Variants in DAZL observed in about 807,000 individuals in gnomAD.
DAZL encodes deleted in azoospermia like.
DAZL carries 4 observed loss-of-function variants against 45.0 expected under a neutral mutation model. The ratio of observed to expected loss-of-function variants is 0.09; its 90% CI spans 0.04 to 0.20. DAZL has a LOEUF of 0.20. DAZL is among the 10% of genes least tolerant of loss of function. DAZL has a pLI of 1.00. For synonymous variants in DAZL, 122 were observed against 112.4 expected, an observed-to-expected ratio of 1.09 and a Z score of -0.54; for missense variants, 326 against 351.3, an observed-to-expected ratio of 0.93 and a Z score of 0.58.
intron 1 of DAZL, among the ~76,000 whole-genome samples, chr3:16,603,599 A>T (rs1026834213): frequency 2.0e-5 from 3 of 152,212 alleles, no homozygotes; most frequent in African/African-American, 7.2e-5. Context: ...CACCCGCCTC[A>T]GCCTCCTAAA....
chr3:16,600,577 C>G (rs74525566), intron 1 of DAZL, among the ~76,000 whole-genome samples: 5,033 of 152,226 alleles, frequency 0.033, 124 homozygotes, highest in Middle Eastern at 0.082. Context: ...CTATTAGGAA[C>G]CTGATTAGAT....
At position 16,588,390 on chromosome 3, in the gene DAZL, C is replaced by A; in HGVS notation, c.*270G>T. The stretch of plus-strand genomic sequence containing the variant: ...ATTTGCTTTTAAACACTTAAAATGC[C>A]AATTTTTAAAAAATCCTTGCAGATA... On this transcript the variant is annotated 3_prime_UTR_variant, in exon 11 of 11. Transcript: ENST00000399444. The A allele has an allele frequency of 1.4e-5, 5 of 357,970 alleles. No homozygotes were observed. The highest frequency in any genetic ancestry group is 6.5e-5 in the South Asian group (2 of 30,768). 22.2% of individuals were successfully genotyped at this position (357,970 alleles called of 1,614,324 possible). A position where few individuals can be genotyped will look rare whatever the true frequency, so the allele number is the denominator to read the frequency against.
intron 1 of DAZL, among the ~76,000 whole-genome samples, chr3:16,601,417 C>A (rs1374329999): frequency 6.6e-6 from 1 of 152,200 alleles, no homozygotes; most frequent in African/African-American, 2.4e-5. Context: ...GAGGCACCAT[C>A]ATGTCCTAGT....
rs1694451074 is a variant in DAZL at position 16,587,238 on chromosome 3, C to CT, written c.*1421dup. The CT allele has an allele frequency of 6.6e-6, 1 of 152,046 alleles. No individual in the cohort carries two copies. Among genetic ancestry groups the CT allele is most frequent in the African/African-American group, 2.4e-5 (1 of 41,428 alleles). 9.4% of individuals were successfully genotyped at this position (152,046 alleles called of 1,614,324 possible). A position where few individuals can be genotyped will look rare whatever the true frequency, so the allele number is the denominator to read the frequency against. On this transcript the variant is annotated 3_prime_UTR_variant, in exon 11 of 11. Coordinates refer to ENST00000399444, the MANE Select transcript of DAZL (RefSeq NM_001351.4). ...AAGGAATTATAGACCCTAGGGGGCACTAGTAATATGGCTCACAGTAACTAC... is the reference window on the plus strand; with the variant it reads ...AAGGAATTATAGACCCTAGGGGGCACTTAGTAATATGGCTCACAGTAACTAC...
rs762959531 is a variant in DAZL, at chr3:16,588,628, A to T, written c.*32T>A. 2.5e-6 allele frequency: 4 copies of T among 1,570,984 alleles called. No homozygotes were observed. In the South Asian group the frequency reaches 4.4e-5, roughly 17 times the overall value. ...TTTTAGCTTAATATTCAAAACCAGC[A>T]ACTTCCCATGTAACTAGATAAGCCA... On this transcript the variant is annotated 3_prime_UTR_variant, in exon 11 of 11. Transcript: ENST00000399444.
chr3:16,592,026 T>G, intron 10 of DAZL, 24 bp downstream of exon 10: 1 of 1,604,472 alleles, frequency 6.2e-7, no homozygotes, highest in Non-Finnish European at 8.5e-7. Context: ...GCTTTTTAAT[T>G]GTGCGTAACT....
In DAZL at chr3:16,598,412, T is replaced by C. The variant is rs772048049; in HGVS notation, c.150+40A>G. ...AACAGGGCCCAAATCCCATTATTCA[T>C]AATGCATTTCAAGGTAAAAATGAGG... On this transcript the variant is annotated intron_variant, in intron 2 of 10. Transcript: ENST00000399444. 3 of 1,598,608 alleles carry C rather than the reference T, an allele frequency of 1.9e-6. No individual in the cohort carries two copies. In the African/African-American group the frequency reaches 4.0e-5, roughly 21 times the overall value.
chr3:16,604,690 G>C, intron 1 of DAZL: 1 of 1,356,310 alleles, frequency 7.4e-7, no homozygotes, highest in Middle Eastern at 2.7e-4. Flanking sequence ...GGCCCTCGAA[G>C]TTTAAGAAGG....
chr3:16,593,687 C>G lies in DAZL; in HGVS notation c.703G>C (p.Ala235Pro). The G allele has an allele frequency of 6.2e-7, 1 of 1,612,128 alleles. No homozygotes were observed. Among genetic ancestry groups the G allele is most frequent in the Non-Finnish European group, 8.5e-7 (1 of 1,178,860 alleles). The change falls in exon 9 of 11, where the codon GCT (alanine) becomes CCT (proline). Residue 235 changes from alanine to proline, a missense_variant. Ala to Pro is a conservative substitution (Grantham distance 27). This residue lies in a region of DAZL where 227 missense variants were observed against 216.6 expected (regional missense o/e 1.05). Transcript: ENST00000399444. ...VVPNECSVHEATPPSGNGPQK... is the reference protein window; with the variant it reads ...VVPNECSVHEPTPPSGNGPQK... ...GGGCCATTTCCAGAGGGTGGAGTAGCTTCATGAACTGAACATTCATTTGGC... is the reference window on the plus strand; with the variant it reads ...GGGCCATTTCCAGAGGGTGGAGTAGGTTCATGAACTGAACATTCATTTGGC...
rs1199839510 is a variant in DAZL, at chr3:16,595,326, T to C, written c.558A>G (p.Val186=). Residue 186 remains valine, a synonymous_variant, in exon 7 of 11, where the codon GTA becomes GTG. Transcript: ENST00000399444. The part of the protein sequence containing the change: ...VQVITGYQLP[V]YNYQMPPQWP... ...CCTTTTAAATTACCTGATAATTATATACAGGCAACTGATATCCAGTGATGA... is the reference window on the plus strand; with the variant it reads ...CCTTTTAAATTACCTGATAATTATACACAGGCAACTGATATCCAGTGATGA... 26 of 1,552,186 alleles carry C rather than the reference T, an allele frequency of 1.7e-5. No homozygotes were observed. Among genetic ancestry groups the C allele is most frequent in the Admixed American group, 3.6e-5 (2 of 55,786 alleles).
chr3:16,603,790 A>T (rs1436919010), intron 1 of DAZL, among the ~76,000 whole-genome samples: 1 of 152,218 alleles, frequency 6.6e-6, no homozygotes, highest in Non-Finnish European at 1.5e-5. Context: ...GTTGTAAAAT[A>T]GTATTATGCA....
chr3:16,602,088 TTAAG>T (rs1192161135), intron 1 of DAZL, among the ~76,000 whole-genome samples: 1 of 151,870 alleles, frequency 6.6e-6, no homozygotes. Context: ...AATCAAAACT[TTAAG>T]TAAATCCAAG....
At chr3:16,594,006 C>G (rs1477145746) in intron 8 of DAZL, among the ~76,000 whole-genome samples, 2 of 152,160 alleles carry the variant, frequency 1.3e-5, no homozygotes, top group Admixed American at 1.3e-4. Flanking sequence ...CTCTAAGAAA[C>G]TAATGTAGTA....
In DAZL at chr3:16,597,493, T is replaced by G. The variant is rs775863559; in HGVS notation, c.291A>C (p.Val97=). ...ATTTTTCTATTAGATTACTTACTTC[T>G]ACTATCTTCTGCACATCCACGTCAT... ...FFNDVDVQKI[V]ESQINFHGKK... is the part of the protein sequence containing the mutation. Residue 97 remains valine, a synonymous_variant, in exon 4 of 11, where the codon GTA becomes GTC. Transcript: ENST00000399444. The G allele has an allele frequency of 1.3e-5, 20 of 1,533,572 alleles. No homozygotes were observed. Among genetic ancestry groups the G allele is most frequent in the Non-Finnish European group, 1.8e-5 (20 of 1,107,072 alleles). The allele number at this position is 1,533,572 out of a possible 1,614,324, so 95.0% of individuals were successfully genotyped here. A position where few individuals can be genotyped will look rare whatever the true frequency, so the allele number is the denominator to read the frequency against.
chr3:16,588,442 A>T lies in DAZL; in HGVS notation c.*218T>A. 1 of 388,500 alleles carries T rather than the reference A, an allele frequency of 2.6e-6. No homozygotes were observed. Among genetic ancestry groups the T allele is most frequent in the Non-Finnish European group, 4.8e-6 (1 of 207,506 alleles). 24.1% of individuals were successfully genotyped at this position (388,500 alleles called of 1,614,324 possible). A position where few individuals can be genotyped will look rare whatever the true frequency, so the allele number is the denominator to read the frequency against. On this transcript the variant is annotated 3_prime_UTR_variant, in exon 11 of 11. Coordinates refer to ENST00000399444, the MANE Select transcript of DAZL (RefSeq NM_001351.4). ...ATCTTAGTTTCTTTCAGTCTCAATT[A>T]TTTTTTTACTTTCAACTATATTTCA...
intron 1 of DAZL, chr3:16,604,580 G>C: frequency 7.0e-7 from 1 of 1,418,948 alleles, no homozygotes; most frequent in South Asian, 1.6e-5. Context: ...ACAGGGCCAT[G>C]CCTTCAGGAC....
At chr3:16,598,247 G>T (rs3773827) in intron 2 of DAZL, 69 bp from the exon 3 acceptor site, 808,317 of 1,456,170 alleles carry the variant, frequency 0.56, 226,971 homozygotes, top group African/African-American at 0.59. Context: ...ACTAAAAGAA[G>T]GTTCGATGAT....
At chr3:16,603,619 T>G (rs988571273) in intron 1 of DAZL, among the ~76,000 whole-genome samples, 6 of 152,218 alleles carry the variant, frequency 3.9e-5, no homozygotes, top group Admixed American at 1.3e-4. Flanking sequence ...AGAGATTGAT[T>G]ACAGGCGTGA....
At chr3:16,604,824 G>A in intron 1 of DAZL, 4 of 1,044,766 alleles carry the variant, frequency 3.8e-6, no homozygotes, top group East Asian at 2.9e-5. Flanking sequence ...GTGGGGGAGC[G>A]CGTGGGAGTG....
Sources: allele counts gnomAD v4.1 joint callset (sites outside exome capture counted in the v4.1 genomes callset), GRCh38; gene constraint gnomAD v4.1.1; regional missense constraint gnomAD v4.1.1; transcripts MANE v1.5; gene names NCBI Gene and HGNC (gene_info 2026-07-23, HGNC 2026-07-21).